The following GALNT7 variants were observed in gnomAD, a reference collection of about 807,000 sequenced individuals.
GALNT7 encodes the protein polypeptide N-acetylgalactosaminyltransferase 7, also known as N-acetylgalactosaminyltransferase 7.
Under a neutral mutation model 82.1 loss-of-function variants are expected in GALNT7, and 60 were observed. The observed-to-expected ratio is 0.73, with a 90% CI of 0.59 to 0.91. The LOEUF is 0.91. GALNT7 is among the 40% of genes least tolerant of loss of function. GALNT7 has a pLI of 0.00. For synonymous variants in GALNT7, 243 were observed against 275.1 expected (o/e 0.88, Z 1.15); for missense variants, 660 against 804.2 (o/e 0.82, Z 2.17).
chr4:173,218,805 A>G (rs1372100888), intron 1 of GALNT7, among the ~76,000 whole-genome samples: 1 of 152,118 alleles, frequency 6.6e-6, no homozygotes, highest in Non-Finnish European at 1.5e-5. Context: ...CCATTCATTC[A>G]TCACTTGTTT....
At chr4:173,231,376 T>A (rs1337431689) in intron 1 of GALNT7, among the ~76,000 whole-genome samples, 1 of 152,170 alleles carries the variant, frequency 6.6e-6, no homozygotes. Context: ...TTAATTGTTT[T>A]TGTAAATTTC....
At chr4:173,296,850 A>G (rs1258678149) in intron 5 of GALNT7, among the ~76,000 whole-genome samples, 2 of 152,192 alleles carry the variant, frequency 1.3e-5, no homozygotes, top group African/African-American at 4.8e-5. Flanking sequence ...AAATCTGACA[A>G]TGACCCTCCA....
At chr4:173,223,093 C>T (rs1360839607) in intron 1 of GALNT7, among the ~76,000 whole-genome samples, 2 of 152,108 alleles carry the variant, frequency 1.3e-5, no homozygotes, top group Admixed American at 6.6e-5. Flanking sequence ...GATGGAGCTT[C>T]CTAAGGACCA....
intron 8 of GALNT7, among the ~76,000 whole-genome samples, chr4:173,308,640 C>T (rs182872679): frequency 6.6e-6 from 1 of 152,334 alleles, no homozygotes; most frequent in African/African-American, 2.4e-5. Flanking sequence ...CACAGTGGCT[C>T]ACACCTGTAA....
At chr4:173,169,116 G>C (rs1386413790) in intron 1 of GALNT7, 155 bp downstream of exon 1, 1 of 482,344 alleles carries the variant, frequency 2.1e-6, no homozygotes, top group Admixed American at 4.9e-5. Context: ...AGGGGGTGCC[G>C]AGCCCCGCGC....
At chr4:173,180,152 A>G (rs536883839) in intron 1 of GALNT7, among the ~76,000 whole-genome samples, 1 of 152,288 alleles carries the variant, frequency 6.6e-6, no homozygotes, top group East Asian at 1.9e-4. Context: ...TTTATAGGTT[A>G]TGGTCATTTA....
chr4:173,225,747 A>C (rs1733805891), intron 1 of GALNT7, among the ~76,000 whole-genome samples: 1 of 152,196 alleles, frequency 6.6e-6, no homozygotes, highest in South Asian at 2.1e-4. Flanking sequence ...CAGGAAGCGC[A>C]CTCTGAGATT....
At chr4:173,189,850 T>C (rs527272326) in intron 1 of GALNT7, among the ~76,000 whole-genome samples, 2 of 152,346 alleles carry the variant, frequency 1.3e-5, no homozygotes, top group South Asian at 2.1e-4. Flanking sequence ...CCCAATCTTA[T>C]GGAAATACAT....
In GALNT7 at chr4:173,321,973, T is replaced by C; in HGVS notation, c.*256T>C. The C allele has an allele frequency of 3.3e-6, 1 of 305,284 alleles. No individual in the cohort carries two copies. The highest frequency in any genetic ancestry group is 6.2e-6 in the Non-Finnish European group (1 of 160,514). The allele number at this position is 305,284 out of a possible 1,614,324, so 18.9% of individuals were successfully genotyped here. A position where few individuals can be genotyped will look rare whatever the true frequency, so the allele number is the denominator to read the frequency against. Reference sequence around the variant, plus strand: ...TTTTTGTTGTGTTTTAAGATGATGTTGGTAATTTGTGCCTTTAGCTCTGTT... The same window carrying C: ...TTTTTGTTGTGTTTTAAGATGATGTCGGTAATTTGTGCCTTTAGCTCTGTT... On this transcript the variant is annotated 3_prime_UTR_variant, in exon 12 of 12. Transcript: ENST00000265000.
chr4:173,313,886 TAA>T, intron 8 of GALNT7, 70 bp from the exon 9 acceptor site: 5 of 650,666 alleles, frequency 7.7e-6, no homozygotes, highest in Non-Finnish European at 1.2e-5. Flanking sequence ...TTCATGTGTC[TAA>T]TATAGGCTGT....
Position 173,321,793 on chromosome 4 carries a change from T to C in GALNT7, c.*76T>C. On this transcript the variant is annotated 3_prime_UTR_variant, in exon 12 of 12. Coordinates refer to ENST00000265000, the MANE Select transcript of GALNT7 (RefSeq NM_017423.3). ...GGACTGAAAACCGCCTGAAACCTGC[T>C]GCAACTATTGTTATTAACTCTGTAT... The C allele has an allele frequency of 2.1e-6, 2 of 956,068 alleles. No homozygotes were observed. Among genetic ancestry groups the C allele is most frequent in the Non-Finnish European group, 3.3e-6 (2 of 610,108 alleles). The allele number at this position is 956,068 out of a possible 1,614,324, so 59.2% of individuals were successfully genotyped here.
intron 1 of GALNT7, among the ~76,000 whole-genome samples, chr4:173,242,347 C>T (rs1452932744): frequency 6.6e-6 from 1 of 152,268 alleles, no homozygotes; most frequent in African/African-American, 2.4e-5. Context: ...TACCTGAAAG[C>T]ATGCTTCATC....
At chr4:173,319,266 G>GCCTCACAC (rs1321560105) in intron 11 of GALNT7, among the ~76,000 whole-genome samples, 1 of 151,768 alleles carries the variant, frequency 6.6e-6, no homozygotes, top group Non-Finnish European at 1.5e-5. Context: ...GGGGAAAGCT[G>GCCTCACAC]CCTCACACTA....
At position 173,298,145 on chromosome 4, in the gene GALNT7, C is replaced by T. The variant is rs1415356266; in HGVS notation, c.996C>T (p.Val332=). 1 of 1,613,972 alleles carries T rather than the reference C, an allele frequency of 6.2e-7. No homozygotes were observed. Among genetic ancestry groups the T allele is most frequent in the African/African-American group, 1.3e-5 (1 of 75,010 alleles). ...RTICTVPLID[V]INGNTYEIIP... is the part of the protein sequence containing the mutation. The stretch of plus-strand genomic sequence containing the variant: ...TTTGCACTGTGCCGCTTATAGATGT[C>T]ATAAATGGCAACACATATGAAATTA... Residue 332 remains valine, a synonymous_variant, in exon 6 of 12, where the codon GTC becomes GTT. Transcript: ENST00000265000.
At chr4:173,232,429 C>T (rs1401574118) in intron 1 of GALNT7, among the ~76,000 whole-genome samples, 1 of 151,742 alleles carries the variant, frequency 6.6e-6, no homozygotes, top group Non-Finnish European at 1.5e-5. Context: ...ATATCTGTTA[C>T]CTTGAACTTT....
At chr4:173,238,541 C>G (rs1349886606) in intron 1 of GALNT7, among the ~76,000 whole-genome samples, 2 of 152,108 alleles carry the variant, frequency 1.3e-5, no homozygotes, top group Non-Finnish European at 2.9e-5. Flanking sequence ...CATACGTGCT[C>G]TTACCACTGA....
chr4:173,294,066 G>A (rs536843085), intron 3 of GALNT7, among the ~76,000 whole-genome samples: 5 of 152,172 alleles, frequency 3.3e-5, no homozygotes, highest in Admixed American at 6.5e-5. Flanking sequence ...ATACAAGGAA[G>A]CCAGAAGGTA....
rs142556634 is a variant in GALNT7, at chr4:173,209,054, A to G, written c.127-38926A>G. ...ACTACTCAGTATCATTTATTAAATA[A>G]TACAAAGTTTTGAAGTACTGAATTC... On this transcript the variant is annotated intron_variant, in intron 1 of 11. Transcript: ENST00000265000. 1.6e-3 allele frequency among the ~76,000 whole-genome samples: 244 copies of G among 152,346 alleles called. 1 individual carries two copies. Among genetic ancestry groups the G allele is most frequent in the Middle Eastern group, 0.01 (3 of 294 alleles).
chr4:173,308,720 T>C (rs1301367904), intron 8 of GALNT7, among the ~76,000 whole-genome samples: 5 of 152,048 alleles, frequency 3.3e-5, no homozygotes, highest in Admixed American at 3.3e-4. Flanking sequence ...CTGACCAACA[T>C]AGTGAAACCC....
Sources: allele counts gnomAD v4.1 joint callset (sites outside exome capture counted in the v4.1 genomes callset), GRCh38; gene constraint gnomAD v4.1.1; transcripts MANE v1.5; gene names NCBI Gene and HGNC (gene_info 2026-07-23, HGNC 2026-07-21).